Variants in TTLL11 observed in about 807,000 individuals in gnomAD.
The protein encoded by TTLL11 is tubulin tyrosine ligase like 11.
Under a neutral mutation model 51.7 loss-of-function variants are expected in TTLL11, and 42 were observed. The observed-to-expected ratio is 0.81, with a 90% CI of 0.64 to 1.05. The LOEUF is 1.05. Among genes scored for constraint, TTLL11 ranks in the 50% least tolerant of loss-of-function variants. The pLI is 0.00. For synonymous variants in TTLL11, 381 were observed against 383.5 expected, an observed-to-expected ratio of 0.99 and a Z score of 0.08; for missense variants, 799 against 940.4, an observed-to-expected ratio of 0.85 and a Z score of 1.97.
chr9:122,052,850 T>C, intron 1 of TTLL11, among the ~76,000 whole-genome samples: 1 of 152,138 alleles, frequency 6.6e-6, no homozygotes, highest in South Asian at 2.1e-4. Context: ...TGCCAACTAT[T>C]AAGGGCCTGG....
At chr9:121,861,495 T>C (rs1013786294) in intron 7 of TTLL11, among the ~76,000 whole-genome samples, 7 of 152,176 alleles carry the variant, frequency 4.6e-5, no homozygotes, top group Admixed American at 1.3e-4. Flanking sequence ...GTGGTCTTTA[T>C]TATAGTCATT....
chr9:121,933,322 T>A (rs546700799), intron 6 of TTLL11, among the ~76,000 whole-genome samples: 1 of 151,498 alleles, frequency 6.6e-6, no homozygotes, highest in Non-Finnish European at 1.5e-5. Context: ...AATTACAGAG[T>A]AGTGGAGAAT....
intron 6 of TTLL11, among the ~76,000 whole-genome samples, chr9:121,952,457 A>AAC (rs1351767765): frequency 6.6e-6 from 1 of 151,750 alleles, no homozygotes; most frequent in African/African-American, 2.4e-5. Context: ...AAAAAAAAAA[A>AAC]AAAAAACTGG....
intron 1 of TTLL11, among the ~76,000 whole-genome samples, chr9:122,053,019 G>C (rs1845202124): frequency 6.6e-6 from 1 of 152,184 alleles, no homozygotes; most frequent in Admixed American, 6.5e-5. Context: ...AAGCCTCCTG[G>C]ATTATTCACC....
intron 3 of TTLL11, among the ~76,000 whole-genome samples, chr9:122,000,462 A>G (rs1400677982): frequency 2.7e-5 from 3 of 112,850 alleles, no homozygotes; most frequent in African/African-American, 3.8e-5. Flanking sequence ...ACAGAGTGAG[A>G]CTCCGTCGCA....
In TTLL11 at chr9:121,930,491, C is replaced by T. The variant is rs1243837083; in HGVS notation, c.1481+43518G>A. On this transcript the variant is annotated intron_variant, in intron 6 of 8. Coordinates refer to ENST00000321582, the MANE Select transcript of TTLL11 (RefSeq NM_001139442.2). ...ACCCACATCTTAAGACATGCCATCACATGACCAAGTCTAATGGCTGGTGAA... is the reference window on the plus strand; with the variant it reads ...ACCCACATCTTAAGACATGCCATCATATGACCAAGTCTAATGGCTGGTGAA... Among the ~76,000 whole-genome samples, 6 of 152,246 alleles carry T rather than the reference C, an allele frequency of 3.9e-5. No homozygotes were observed. The South Asian group carries it at 1.2e-3, about 32-fold the overall frequency.
rs3763648 is a variant in TTLL11 at position 122,052,454 on chromosome 9, G to A, written c.463-13086C>T. On this transcript the variant is annotated intron_variant, in intron 1 of 8. Coordinates refer to ENST00000321582, the MANE Select transcript of TTLL11 (RefSeq NM_001139442.2). ...TTTCCTCGATGGGAACAATAATGTC[G>A]ACTTGATTGGGTTATTACAAGGATT... Among the ~76,000 whole-genome samples, 8 of 152,140 alleles carry A rather than the reference G, an allele frequency of 5.3e-5. No individual in the cohort carries two copies. The East Asian group carries it at 9.6e-4, about 18-fold the overall frequency.
chr9:121,989,222 C>T lies in TTLL11; in HGVS notation c.1242G>A (p.Thr414=), dbSNP rs144762491. The T allele has an allele frequency of 1.7e-4, 281 of 1,613,956 alleles. No homozygotes were observed. The highest frequency in any genetic ancestry group is 2.3e-4 in the Non-Finnish European group (266 of 1,179,952). Residue 414 remains threonine (T), a synonymous_variant, in exon 4 of 9, where the codon ACG becomes ACA. Transcript: ENST00000321582. The surrounding 1 kb of genome is among the most constrained non-coding windows in gnomAD (Gnocchi z 4.2). ...LKVFYQSDIP[T]GRPGPTCFQI... ...GGAAGCACGTGGGGCCCGGCCTCCC[C>T]GTGGGGATGTCTGACTGGTAGAAGA...
chr9:122,010,005 C>T (rs1367522047), intron 3 of TTLL11, among the ~76,000 whole-genome samples: 1 of 151,984 alleles, frequency 6.6e-6, no homozygotes, highest in Non-Finnish European at 1.5e-5. Context: ...TGTATCTCTC[C>T]AAGAGAAACT....
chr9:121,887,120 G>C (rs964248034), intron 6 of TTLL11, among the ~76,000 whole-genome samples: 1 of 152,224 alleles, frequency 6.6e-6, no homozygotes, highest in African/African-American at 2.4e-5. Context: ...GCAAGCTCTA[G>C]AGATAATAGT....
chr9:121,902,660 A>G (rs1839816185), intron 6 of TTLL11, among the ~76,000 whole-genome samples: 2 of 151,098 alleles, frequency 1.3e-5, no homozygotes, highest in Admixed American at 1.3e-4. Context: ...TCGTGCCTGT[A>G]CTGAGTTTGA....
intron 6 of TTLL11, among the ~76,000 whole-genome samples, chr9:121,936,887 G>A (rs190477846): frequency 1.3e-4 from 20 of 152,252 alleles, no homozygotes; most frequent in Admixed American, 5.9e-4. Context: ...AAACACTGTC[G>A]TTAAATGGCA....
intron 6 of TTLL11, among the ~76,000 whole-genome samples, chr9:121,938,546 G>A (rs190175488): frequency 6.6e-6 from 1 of 152,132 alleles, no homozygotes; most frequent in East Asian, 1.9e-4. Context: ...CCATCAAAGG[G>A]TTTTTATCCA....
chr9:122,043,207 G>T (rs535436555), intron 1 of TTLL11, among the ~76,000 whole-genome samples: 11 of 152,112 alleles, frequency 7.2e-5, no homozygotes, highest in Non-Finnish European at 1.3e-4. Context: ...TGCACCATAT[G>T]CTCAATTTTG....
chr9:121,860,507 C>T, intron 7 of TTLL11, 64 bp from the exon 8 acceptor site: 1 of 1,318,406 alleles, frequency 7.6e-7, no homozygotes, highest in Admixed American at 2.0e-5. Context: ...ATCTCTCCTC[C>T]ACTCCTGTTA....
chr9:121,861,353 A>G (rs1838004330), intron 7 of TTLL11, among the ~76,000 whole-genome samples: 6 of 152,204 alleles, frequency 3.9e-5, no homozygotes, highest in Admixed American at 3.9e-4. Flanking sequence ...CTGGGATTAC[A>G]GGCGTGAGCC....
intron 6 of TTLL11, among the ~76,000 whole-genome samples, chr9:121,970,440 G>A (rs558310960): frequency 6.6e-6 from 1 of 152,286 alleles, no homozygotes; most frequent in Non-Finnish European, 1.5e-5. Context: ...ATGTTTAGGT[G>A]GCACAGCTTA....
intron 8 of TTLL11, among the ~76,000 whole-genome samples, chr9:121,859,033 CTG>C (rs1453570487): frequency 6.6e-6 from 1 of 152,206 alleles, no homozygotes; most frequent in Non-Finnish European, 1.5e-5. Flanking sequence ...CCTGTGTGAT[CTG>C]TGTCACCTGA....
At chr9:121,891,349 G>A (rs530392854) in intron 6 of TTLL11, among the ~76,000 whole-genome samples, 96 of 152,294 alleles carry the variant, frequency 6.3e-4, no homozygotes, top group African/African-American at 2.1e-3. Flanking sequence ...GATCACATAC[G>A]ATATGTACAA....
Sources: allele counts gnomAD v4.1 joint callset (sites outside exome capture counted in the v4.1 genomes callset), GRCh38; gene constraint gnomAD v4.1.1; non-coding constraint Gnocchi (gnomAD v3.1); transcripts MANE v1.5; gene names NCBI Gene and HGNC (gene_info 2026-07-23, HGNC 2026-07-21).